The following EML6 variants were observed in gnomAD, a reference collection of about 807,000 sequenced individuals.
EML6 encodes EMAP like 6, also known as echinoderm microtubule-associated protein-like 6.
Under a neutral mutation model 240.1 loss-of-function variants are expected in EML6, and 154 were observed. The observed-to-expected ratio is 0.64, with a 90% CI of 0.56 to 0.73. EML6 has a LOEUF of 0.73. EML6 is among the 30% of genes least tolerant of loss of function. The probability of loss-of-function intolerance (pLI) is 0.00; values close to 1 mark genes in which losing one functional copy is unlikely to be tolerated. For synonymous variants in EML6, 1,148 were observed against 899.0 expected, an observed-to-expected ratio of 1.28 and a Z score of -4.95; for missense variants, 2,964 against 2,474.6, an observed-to-expected ratio of 1.20 and a Z score of -4.20.
At chr2:54,956,984 A>ATACTAT (rs58499715) in intron 32 of EML6, among the ~76,000 whole-genome samples, 7,461 of 152,210 alleles carry the variant, frequency 0.049, 305 homozygotes, top group African/African-American at 0.097. Flanking sequence ...AGTGATGATA[A>ATACTAT]TACTATTACT....
In EML6 at chr2:54,809,674, G is replaced by T. The variant is rs139721767; in HGVS notation, c.198-3558G>T. Reference sequence around the variant, plus strand: ...AATGCTTCTGAACTAAAATTCCAAAGATGTGTGGAATTTTATTTATTAAAT... The same window carrying T: ...AATGCTTCTGAACTAAAATTCCAAATATGTGTGGAATTTTATTTATTAAAT... On this transcript the variant is annotated intron_variant, in intron 2 of 41. Coordinates refer to ENST00000356458, the MANE Select transcript of EML6 (RefSeq NM_001039753.4). Among the ~76,000 whole-genome samples the T allele has an allele frequency of 2.4e-3, 361 of 152,234 alleles. 7 individuals carry two copies. The highest frequency in any genetic ancestry group is 2.9e-3 in the Non-Finnish European group (194 of 68,016).
chr2:54,949,954 T>G (rs1404941860), intron 29 of EML6, among the ~76,000 whole-genome samples: 1 of 152,222 alleles, frequency 6.6e-6, no homozygotes, highest in Non-Finnish European at 1.5e-5. Context: ...TTCCTGATGC[T>G]TCTCACCCTA....
intron 17 of EML6, among the ~76,000 whole-genome samples, chr2:54,884,637 G>C (rs1672022926): frequency 6.6e-6 from 1 of 152,172 alleles, no homozygotes; most frequent in Non-Finnish European, 1.5e-5. Flanking sequence ...AAATGGAGGG[G>C]GAGAATTGAA....
At chr2:54,903,528 T>C in intron 24 of EML6, 26 bp downstream of exon 24, 1 of 1,529,668 alleles carries the variant, frequency 6.5e-7, no homozygotes, top group East Asian at 2.5e-5. Flanking sequence ...GCTTTTAAAA[T>C]AGAATTTCTG....
At position 54,895,255 on chromosome 2, in the gene EML6, T is replaced by C. The variant is rs940210548; in HGVS notation, c.2855-18T>C. 5 of 1,551,192 alleles carry C rather than the reference T, an allele frequency of 3.2e-6. No individual in the cohort carries two copies. In the African/African-American group the frequency reaches 5.5e-5, roughly 17 times the overall value. ...GTTGTTTTTGTTATTGTGTTAAATA[T>C]ACCATCCCCTTCCCCAGGCTTGCTT... On this transcript the variant is annotated intron_variant, in intron 20 of 41. Transcript: ENST00000356458.
At chr2:54,834,152 C>T (rs755213578) in intron 7 of EML6, among the ~76,000 whole-genome samples, 22 of 152,036 alleles carry the variant, frequency 1.4e-4, no homozygotes, top group Non-Finnish European at 2.9e-4. Flanking sequence ...GCGGCGGTGG[C>T]GGGGCATGGG....
At chr2:54,904,704 T>C (rs1673227187) in intron 24 of EML6, among the ~76,000 whole-genome samples, 2 of 152,176 alleles carry the variant, frequency 1.3e-5, no homozygotes, top group Admixed American at 1.3e-4. Flanking sequence ...CATGCTGAAC[T>C]GTGTACTTGT....
At chr2:54,789,270 T>C (rs1360980980) in intron 2 of EML6, among the ~76,000 whole-genome samples, 4 of 151,974 alleles carry the variant, frequency 2.6e-5, no homozygotes, top group African/African-American at 9.7e-5. Context: ...TCCCAGCACT[T>C]TGGGAGGCCA....
At chr2:54,831,784 C>T (rs1045192429) in intron 7 of EML6, among the ~76,000 whole-genome samples, 2 of 151,720 alleles carry the variant, frequency 1.3e-5, no homozygotes, top group Admixed American at 6.6e-5. Flanking sequence ...CCCAGGGAGT[C>T]GGAGAGGGCA....
chr2:54,893,261 CAG>C (rs1558658302), intron 19 of EML6, among the ~76,000 whole-genome samples: 1 of 152,096 alleles, frequency 6.6e-6, no homozygotes, highest in African/African-American at 2.4e-5. Flanking sequence ...GCTGCTGTAA[CAG>C]AATTTCTGAG....
intron 7 of EML6, among the ~76,000 whole-genome samples, chr2:54,837,544 C>T (rs907367418): frequency 1.3e-5 from 2 of 152,182 alleles, no homozygotes; most frequent in Non-Finnish European, 2.9e-5. Context: ...TCAAAGTCGA[C>T]TTCTCACAGG....
Position 54,895,322 on chromosome 2 carries a change from T to G in EML6, c.2904T>G (p.His968Gln). 1 of 1,551,936 alleles carries G rather than the reference T, an allele frequency of 6.4e-7. No homozygotes were observed. Residue 968 changes from histidine to glutamine, a missense_variant, in exon 21 of 42, where the codon CAT becomes CAG. Transcript: ENST00000356458. ...NPSIRAITLG[H>Q]GHILVGTKNG... ...CAATTCGTGCCATCACTTTGGGACA[T>G]GGACATATCCTGGTGGGAACAAAAA...
chr2:54,806,374 A>G (rs969531654), intron 2 of EML6, among the ~76,000 whole-genome samples: 1 of 151,984 alleles, frequency 6.6e-6, no homozygotes, highest in Non-Finnish European at 1.5e-5. Context: ...GCATTTTGGG[A>G]GGCTGAGGTC....
At chr2:54,869,808 T>C (rs1160220445) in intron 15 of EML6, among the ~76,000 whole-genome samples, 3 of 152,230 alleles carry the variant, frequency 2.0e-5, no homozygotes, top group Non-Finnish European at 4.4e-5. Flanking sequence ...TTTAGCCTTA[T>C]AAAAACACCT....
Position 54,948,895 on chromosome 2 carries a change from C to T in EML6, c.4018C>T (p.Arg1340Ter). ...VSVEERPPVSRAAPQPEKLQK... is the reference protein window; with the variant it reads ...VSVEERPPVS ...TCTCTCTTCCAGACCACCCGTTAGC[C>T]GAGCAGCTCCCCAGCCTGAGAAACT... The change falls in exon 29 of 42, where the codon CGA becomes TGA. Residue 1340 changes from arginine to a stop codon, truncating the protein, a stop_gained. Coordinates refer to ENST00000356458, the MANE Select transcript of EML6 (RefSeq NM_001039753.4). LOFTEE classifies it high-confidence loss of function. 6.4e-7 allele frequency: 1 copy of T among 1,551,310 alleles called. No homozygotes were observed. The highest frequency in any genetic ancestry group is 8.7e-7 in the Non-Finnish European group (1 of 1,146,870).
At chr2:54,886,163 T>C (rs930191896) in intron 17 of EML6, among the ~76,000 whole-genome samples, 3 of 41,934 alleles carry the variant, frequency 7.2e-5, no homozygotes, top group Non-Finnish European at 1.5e-4. Context: ...TAACCTTCTT[T>C]TTTTTTTTTT....
At chr2:54,836,849 C>T (rs1044322136) in intron 7 of EML6, among the ~76,000 whole-genome samples, 3 of 152,142 alleles carry the variant, frequency 2.0e-5, no homozygotes, top group Non-Finnish European at 4.4e-5. Flanking sequence ...TGGGGAGATG[C>T]ATGTCTTTCC....
chr2:54,971,957 A>AAACG lies in EML6; in HGVS notation c.*1862_*1863insAACG, dbSNP rs1677045949. On this transcript the variant is annotated 3_prime_UTR_variant, in exon 42 of 42. Transcript: ENST00000356458. ...AGTTAAAACATTGGTGCATGAATTT[A>AAACG]TTTTCAAAGTATAAAACACATCACT... 1 of 152,208 alleles carries AAACG rather than the reference A, an allele frequency of 6.6e-6. No individual in the cohort carries two copies. Among genetic ancestry groups the AAACG allele is most frequent in the Non-Finnish European group, 1.5e-5 (1 of 68,038 alleles). 9.4% of individuals were successfully genotyped at this position (152,208 alleles called of 1,614,324 possible). A position where few individuals can be genotyped will look rare whatever the true frequency, so the allele number is the denominator to read the frequency against.
At chr2:54,879,417 G>A (rs1671700032) in intron 16 of EML6, 130 bp from the exon 17 acceptor site, 2 of 651,028 alleles carry the variant, frequency 3.1e-6, no homozygotes, top group Non-Finnish European at 5.5e-6. Flanking sequence ...TCAAGTCAGG[G>A]CAGCTATCAC....
Sources: gnomAD v4.1 joint callset for allele counts (sites outside exome capture counted in the v4.1 genomes callset) on GRCh38, gnomAD v4.1.1 for gene constraint, MANE v1.5 for transcripts, NCBI Gene and HGNC (gene_info 2026-07-23, HGNC 2026-07-21) for gene names.